Variants in TNXB observed in about 807,000 individuals in gnomAD.
The protein encoded by TNXB is tenascin-X.
A neutral mutation model predicts 340.5 loss-of-function variants in TNXB; 183 were observed. That is an observed-to-expected ratio of 0.54 (90% CI 0.48 to 0.61). The LOEUF (loss-of-function observed/expected upper bound fraction) is 0.61. TNXB is among the 20% of genes least tolerant of loss of function. The probability of loss-of-function intolerance (pLI) is 0.00; values close to 1 mark genes in which losing one functional copy is unlikely to be tolerated. For synonymous variants in TNXB, 2,121 were observed against 2,314.5 expected (o/e 0.92, Z 2.40); for missense variants, 4,613 against 5,446.4 (o/e 0.85, Z 4.82).
At position 32,082,173 on chromosome 6, in the gene TNXB, G is replaced by A; in HGVS notation, c.3599C>T (p.Pro1200Leu). ...MVQYRDRDGR[P>L]QVVPVEGPER... ...GGGCCCTTCCACAGGTACCACCTGG[G>A]GCCGTCCATCCCTGTCCCTGTACTG... is the stretch of plus-strand genomic sequence containing the variant. The change falls in exon 9 of 44, where the codon CCC (proline) becomes CTC (leucine). Residue 1200 changes from proline to leucine, a missense_variant. Pro to Leu is a moderately conservative substitution (Grantham distance 98). This residue lies in a region of TNXB where 4,327 missense variants were observed against 4,859.4 expected (regional missense o/e 0.89). Coordinates refer to ENST00000644971, the MANE Select transcript of TNXB (RefSeq NM_001365276.2). The surrounding 1 kb of genome is among the most constrained non-coding windows in gnomAD (Gnocchi z 5.0). The A allele has an allele frequency of 6.2e-7, 1 of 1,612,704 alleles. No homozygotes were observed. Among genetic ancestry groups the A allele is most frequent in the Non-Finnish European group, 8.5e-7 (1 of 1,179,704 alleles).
chr6:32,089,872 C>A lies in TNXB; in HGVS notation c.2359-493G>T, dbSNP rs1205602309. Among the ~76,000 whole-genome samples the A allele has an allele frequency of 6.6e-6, 1 of 152,206 alleles. No individual in the cohort carries two copies. The highest frequency in any genetic ancestry group is 1.9e-4 in the East Asian group (1 of 5,190). ...GCCCTGGCAACTCTGACTACCTGGG[C>A]ATGAGGAGCCTTTTCCTAAGCTTGG... On this transcript the variant is annotated intron_variant, in intron 4 of 43. Coordinates refer to ENST00000644971, the MANE Select transcript of TNXB (RefSeq NM_001365276.2). The surrounding 1 kb of genome is among the most constrained non-coding windows in gnomAD (Gnocchi z 6.2).
Position 32,087,934 on chromosome 6 carries a change from C to T in TNXB, c.2779+851G>A, listed in dbSNP as rs937500226. ...CCGCGGGGCTGGGGCTGGCCGGGGC[C>T]GGGACTTGGGGGGCGGGGCTGGGGG... On this transcript the variant is annotated intron_variant, in intron 6 of 43. Transcript: ENST00000644971. The surrounding 1 kb of genome is among the most constrained non-coding windows in gnomAD (Gnocchi z 9.0). The T allele has an allele frequency of 8.9e-5, 5 of 55,870 alleles. No homozygotes were observed. The highest frequency in any genetic ancestry group is 8.8e-4 in the Admixed American group (5 of 5,680). The allele number at this position is 55,870 out of a possible 1,614,324, so 3.5% of individuals were successfully genotyped here.
At position 32,096,151 on chromosome 6, in the gene TNXB, G is replaced by T; in HGVS notation, c.1702C>A (p.Gln568Lys). 1 of 1,589,674 alleles carries T rather than the reference G, an allele frequency of 6.3e-7. No individual in the cohort carries two copies. ...SCPGGCRGRGQCLDGRCVCED... is the reference protein window; with the variant it reads ...SCPGGCRGRGKCLDGRCVCED... ...CACACACACCGCCCATCTAGGCACTGGCCGCGGCCTCGGCAGCCCCCGGGG... is the reference window on the plus strand; with the variant it reads ...CACACACACCGCCCATCTAGGCACTTGCCGCGGCCTCGGCAGCCCCCGGGG... The change falls in exon 3 of 44, where the codon CAG becomes AAG. Residue 568 changes from glutamine to lysine, a missense_variant. By Grantham distance (53) the Gln-to-Lys change is moderately conservative. This residue lies in a region of TNXB where 4,327 missense variants were observed against 4,859.4 expected (regional missense o/e 0.89). Coordinates refer to ENST00000644971, the MANE Select transcript of TNXB (RefSeq NM_001365276.2).
chr6:32,076,261 T>A (rs1389843021), intron 11 of TNXB, among the ~76,000 whole-genome samples: 1 of 152,166 alleles, frequency 6.6e-6, no homozygotes, highest in East Asian at 1.9e-4. Flanking sequence ...TTCATGACTC[T>A]GGCAGTCCCC....
rs394439 is a variant in TNXB at position 32,057,778 on chromosome 6, C to A, written c.7825+280G>T. ...TGTCACCAAGCTAAGGCATGCCTGGCCTCAGGTCCTGGCTGTCCCCTGGGT... is the reference window on the plus strand; with the variant it reads ...TGTCACCAAGCTAAGGCATGCCTGGACTCAGGTCCTGGCTGTCCCCTGGGT... On this transcript the variant is annotated intron_variant, in intron 22 of 43. Transcript: ENST00000644971. 0.099 allele frequency among the ~76,000 whole-genome samples: 15,019 copies of A among 152,256 alleles called. 927 individuals are homozygous for A. Among genetic ancestry groups the A allele is most frequent in the Non-Finnish European group, 0.15 (10,008 of 67,996 alleles).
Position 32,070,282 on chromosome 6 carries a change from A to C in TNXB, c.5123T>G (p.Phe1708Cys). ...EGQFDSFVVQ[F>C]KDKDGPQVVP... ...CACCTGGGGCCCGTCTTTGTCCTTG[A>C]ACTGGACCACAAAAGAGTCGAACTG... Residue 1708 changes from phenylalanine to cysteine, a missense_variant, in exon 14 of 44, where the codon TTC (phenylalanine) becomes TGC (cysteine). By Grantham distance (205) the Phe-to-Cys change is radical. Transcript: ENST00000644971. The surrounding 1 kb of genome is among the most constrained non-coding windows in gnomAD (Gnocchi z 6.0). 1 of 1,611,704 alleles carries C rather than the reference A, an allele frequency of 6.2e-7. No homozygotes were observed. Among genetic ancestry groups the C allele is most frequent in the Non-Finnish European group, 8.5e-7 (1 of 1,179,084 alleles).
chr6:32,089,195 C>T lies in TNXB; in HGVS notation c.2515+28G>A, dbSNP rs1207139632. On this transcript the variant is annotated intron_variant, in intron 5 of 43. Transcript: ENST00000644971. This position sits in a 1 kb window ranked among gnomAD's most constrained non-coding sequence, Gnocchi z 6.2. ...CTCTAGTCCAGATCTCCACTCAGGA[C>T]ACCCCTCCCCACAGCCCCAGCTCTC... 3 of 1,578,792 alleles carry T rather than the reference C, an allele frequency of 1.9e-6. No homozygotes were observed. In the East Asian group the frequency reaches 6.7e-5, roughly 35 times the overall value.
Position 32,067,925 on chromosome 6 carries a change from C to T in TNXB, c.6280G>A (p.Glu2094Lys), listed in dbSNP as rs1778489677. The T allele has an allele frequency of 3.7e-6, 6 of 1,612,604 alleles. No homozygotes were observed. Among genetic ancestry groups the T allele is most frequent in the East Asian group, 2.2e-5 (1 of 44,866 alleles). The change falls in exon 18 of 44, where the codon GAG becomes AAG. Residue 2094 changes from glutamate (E) to lysine (K), a missense_variant. Transcript: ENST00000644971. This position sits in a 1 kb window ranked among gnomAD's most constrained non-coding sequence, Gnocchi z 4.2. Reference sequence around the variant, plus strand: ...GTTAGCTCCCCCAGGAGCGGCTCCTCAGCGGGCTCCGGGGCCTCCATGCTG... The same window carrying T: ...GTTAGCTCCCCCAGGAGCGGCTCCTTAGCGGGCTCCGGGGCCTCCATGCTG... Reference protein sequence around the residue: ...EPSMEAPEPAEEPLLGELTVT... With the variant: ...EPSMEAPEPAKEPLLGELTVT...
rs573923194 is a variant in TNXB at position 32,061,508 on chromosome 6, C to T, written c.7381G>A (p.Glu2461Lys). The stretch of plus-strand genomic sequence containing the variant: ...AGGCCCCCCACGGTGACCTCGCTCT[C>T]CTCGCCCCCAACACGCACCACCTGG... ...RPQVVRVGGEESEVTVGGLEP... is the reference protein window; with the variant it reads ...RPQVVRVGGEKSEVTVGGLEP... Residue 2461 changes from glutamate to lysine, a missense_variant, in exon 21 of 44, where the codon GAG becomes AAG. Physicochemically the swap from Glu to Lys is moderately conservative, Grantham distance 56 (BLOSUM62 1). Around this residue, in one of 7 missense-constraint regions of TNXB, gnomAD observed 4,327 missense variants for 4,859.4 expected, o/e 0.89. Coordinates refer to ENST00000644971, the MANE Select transcript of TNXB (RefSeq NM_001365276.2). The surrounding 1 kb of genome is among the most constrained non-coding windows in gnomAD (Gnocchi z 4.4). 4 of 1,613,640 alleles carry T rather than the reference C, an allele frequency of 2.5e-6. No homozygotes were observed. Among genetic ancestry groups the T allele is most frequent in the Non-Finnish European group, 2.5e-6 (3 of 1,179,882 alleles).
At chr6:32,091,485 T>C (rs1256420616) in intron 4 of TNXB, among the ~76,000 whole-genome samples, 2 of 151,070 alleles carry the variant, frequency 1.3e-5, no homozygotes, top group Admixed American at 6.6e-5. Flanking sequence ...CACTGATTTT[T>C]TTTTTTTTTG....
chr6:32,081,316 C>T lies in TNXB; in HGVS notation c.4042+52G>A, dbSNP rs1562850881. 1.8e-5 allele frequency: 27 copies of T among 1,489,002 alleles called. No individual in the cohort carries two copies. The highest frequency in any genetic ancestry group is 2.8e-5 in the African/African-American group (2 of 72,004). The allele number at this position is 1,489,002 out of a possible 1,614,324, so 92.2% of individuals were successfully genotyped here. A position where few individuals can be genotyped will look rare whatever the true frequency, so the allele number is the denominator to read the frequency against. On this transcript the variant is annotated intron_variant, in intron 10 of 43. Coordinates refer to ENST00000644971, the MANE Select transcript of TNXB (RefSeq NM_001365276.2). This position sits in a 1 kb window ranked among gnomAD's most constrained non-coding sequence, Gnocchi z 5.1. ...GCTGGAAGGAGCCCCAGCCAAGTCCCGCTCACAGGATGGGGCTAGCAGGGG... is the reference window on the plus strand; with the variant it reads ...GCTGGAAGGAGCCCCAGCCAAGTCCTGCTCACAGGATGGGGCTAGCAGGGG...
Position 32,046,370 on chromosome 6 carries a change from C to T in TNXB, c.10411G>A (p.Val3471Ile). 1 of 1,599,086 alleles carries T rather than the reference C, an allele frequency of 6.3e-7. No homozygotes were observed. The highest frequency in any genetic ancestry group is 8.5e-7 in the Non-Finnish European group (1 of 1,172,396). The change falls in exon 31 of 44, where the codon GTA becomes ATA. Residue 3471 changes from valine to isoleucine, a missense_variant. Physicochemically the swap from Val to Ile is conservative, Grantham distance 29. Around this residue, in one of 7 missense-constraint regions of TNXB, gnomAD observed 4,327 missense variants for 4,859.4 expected, o/e 0.89. Coordinates refer to ENST00000644971, the MANE Select transcript of TNXB (RefSeq NM_001365276.2). This position sits in a 1 kb window ranked among gnomAD's most constrained non-coding sequence, Gnocchi z 6.9. ...TSSSLRLSWTVAQGPFDSFVV... is the reference protein window; with the variant it reads ...TSSSLRLSWTIAQGPFDSFVV... ...AAGGAGTCAAAGGGGCCCTGGGCTA[C>T]CGTCCAGGACAGGCGCAGAGAGCTG...
chr6:32,071,111 G>A (rs532795005), intron 13 of TNXB, among the ~76,000 whole-genome samples: 2 of 152,300 alleles, frequency 1.3e-5, no homozygotes, highest in East Asian at 1.9e-4. Flanking sequence ...GGACGCTGAC[G>A]ACATTGTTAT....
In TNXB at chr6:32,096,368, G is replaced by A. The variant is rs776826688; in HGVS notation, c.1485C>T (p.Arg495=). Residue 495 remains arginine (R), a synonymous_variant, in exon 3 of 44, where the codon CGC becomes CGT. Coordinates refer to ENST00000644971, the MANE Select transcript of TNXB (RefSeq NM_001365276.2). ...GCCCGCGACAGTCGCCAGGACAGGC[G>A]CGCGTGCCGCAGTCCCGGCCTGTGT... ...PGYTGRDCGT[R]ACPGDCRGRG... is the part of the protein sequence containing the mutation. The A allele has an allele frequency of 6.4e-7, 1 of 1,553,830 alleles. No individual in the cohort carries two copies. The highest frequency in any genetic ancestry group is 8.6e-7 in the Non-Finnish European group (1 of 1,156,878).
chr6:32,087,640 G>T lies in TNXB; in HGVS notation c.2779+1145C>A. On this transcript the variant is annotated intron_variant, in intron 6 of 43. Coordinates refer to ENST00000644971, the MANE Select transcript of TNXB (RefSeq NM_001365276.2). The surrounding 1 kb of genome is among the most constrained non-coding windows in gnomAD (Gnocchi z 9.0). ...GCGGGGGTGGCGGGGCGGGGGTGCG[G>T]GGGAGCCGGCTGGGGCGGCGGCCAA... 2.4e-6 allele frequency: 1 copy of T among 414,138 alleles called. No individual in the cohort carries two copies. Among genetic ancestry groups the T allele is most frequent in the South Asian group, 1.7e-5 (1 of 57,380 alleles). 25.7% of individuals were successfully genotyped at this position (414,138 alleles called of 1,614,324 possible).
rs563432366 is a variant in TNXB, at chr6:32,106,734, C to T, written c.-9+2447G>A. Among the ~76,000 whole-genome samples, 55 of 152,296 alleles carry T rather than the reference C, an allele frequency of 3.6e-4. No individual in the cohort carries two copies. In the South Asian group the frequency reaches 9.7e-3, roughly 27 times the overall value. On this transcript the variant is annotated intron_variant, in intron 1 of 43. Transcript: ENST00000644971. ...GAGCTGCCCTTTCCTGTCTCCCCAG[C>T]CCTTCTCTCAGCCTGGAGTGTAGCC...
In TNXB at chr6:32,043,101, G is replaced by A; in HGVS notation, c.11795-20C>T. Reference sequence around the variant, plus strand: ...CTAGCCCTAGGAGGGAAAGCAGGAAGAGGAGATGGGGATGAGGCCCAACCT... The same window carrying A: ...CTAGCCCTAGGAGGGAAAGCAGGAAAAGGAGATGGGGATGAGGCCCAACCT... On this transcript the variant is annotated intron_variant, in intron 37 of 43. Transcript: ENST00000644971. The A allele has an allele frequency of 5.4e-6, 1 of 184,544 alleles. No homozygotes were observed. Among genetic ancestry groups the A allele is most frequent in the South Asian group, 3.2e-5 (1 of 31,740 alleles). 11.4% of individuals were successfully genotyped at this position (184,544 alleles called of 1,614,324 possible).
intron 28 of TNXB, 109 bp from the exon 29 acceptor site, chr6:32,048,759 G>A (rs1225873346): frequency 3.6e-6 from 4 of 1,116,766 alleles, no homozygotes; most frequent in East Asian, 2.8e-5. Context: ...CCTCTAAAAC[G>A]CTTGTTTTAG....
At position 32,046,682 on chromosome 6, in the gene TNXB, C is replaced by A; in HGVS notation, c.10325-226G>T. On this transcript the variant is annotated intron_variant, in intron 30 of 43. Transcript: ENST00000644971. This position sits in a 1 kb window ranked among gnomAD's most constrained non-coding sequence, Gnocchi z 6.9. ...CTGCCCAAACTCCTTCCTGCCCCGC[C>A]CCTTCCCTGCTGTGATCGAGGATGC... The A allele has an allele frequency of 2.1e-6, 1 of 468,188 alleles. No individual in the cohort carries two copies. Among genetic ancestry groups the A allele is most frequent in the Non-Finnish European group, 3.8e-6 (1 of 263,946 alleles). The allele number at this position is 468,188 out of a possible 1,614,324, so 29.0% of individuals were successfully genotyped here.
Sources: allele counts gnomAD v4.1 joint callset (sites outside exome capture counted in the v4.1 genomes callset), GRCh38; gene constraint gnomAD v4.1.1; regional missense constraint gnomAD v4.1.1; non-coding constraint Gnocchi (gnomAD v3.1); transcripts MANE v1.5; gene names NCBI Gene and HGNC (gene_info 2026-07-23, HGNC 2026-07-21).